RASL12: variants seen among roughly 807,000 people sequenced by gnomAD.
RASL12 encodes RAS like family 12, also known as ras-like protein family member 12.
RASL12 carries 16 observed loss-of-function variants against 22.9 expected under a neutral mutation model. That is an observed-to-expected ratio of 0.70 (90% CI 0.47 to 1.06). RASL12 has a LOEUF of 1.06. Among genes scored for constraint, RASL12 ranks in the 50% least tolerant of loss-of-function variants. RASL12 has a pLI of 0.00. For missense variants in RASL12, 306 were observed against 353.1 expected (o/e 0.87, Z 1.07); for synonymous variants, 159 against 152.2 (o/e 1.04, Z -0.33).
downstream of RASL12, chr15:65,050,180 C>A: frequency 9.0e-7 from 1 of 1,107,496 alleles, no homozygotes; most frequent in Non-Finnish European, 1.3e-6. Flanking sequence ...GGTCCTGACA[C>A]TGTCGTCCCC....
At chr15:65,075,208 C>G (rs1446645629) in intron 1 of RASL12, among the ~76,000 whole-genome samples, 2 of 152,328 alleles carry the variant, frequency 1.3e-5, no homozygotes, top group East Asian at 1.9e-4. Context: ...CCCAGCAATG[C>G]CAGCCCACCG....
chr15:65,075,037 C>T (rs913162773), intron 1 of RASL12, among the ~76,000 whole-genome samples: 5 of 152,214 alleles, frequency 3.3e-5, no homozygotes, highest in Admixed American at 3.3e-4. Flanking sequence ...GAGGCGCGAG[C>T]GGGAACCGGG....
At chr15:65,070,042 C>T (rs2086920708), upstream of RASL12, among the ~76,000 whole-genome samples, 1 of 152,206 alleles carries the variant, frequency 6.6e-6, no homozygotes, top group South Asian at 2.1e-4. Flanking sequence ...TTCTGGGTCT[C>T]TGTTCCTCAT....
intron 4 of RASL12, among the ~76,000 whole-genome samples, chr15:65,056,539 G>A (rs187253218): frequency 2.4e-3 from 362 of 152,300 alleles, no homozygotes; most frequent in African/African-American, 8.4e-3. Flanking sequence ...CTTTGTCATT[G>A]TGGGGGCTTG....
In RASL12 at chr15:65,054,605, T is replaced by C; in HGVS notation, c.*294A>G. The C allele has an allele frequency of 1.6e-6, 2 of 1,253,926 alleles. No homozygotes were observed. The highest frequency in any genetic ancestry group is 1.0e-6 in the Non-Finnish European group (1 of 992,726). The allele number at this position is 1,253,926 out of a possible 1,614,324, so 77.7% of individuals were successfully genotyped here. A position where few individuals can be genotyped will look rare whatever the true frequency, so the allele number is the denominator to read the frequency against. On this transcript the variant is annotated 3_prime_UTR_variant, in exon 5 of 5. Coordinates refer to ENST00000220062, the MANE Select transcript of RASL12 (RefSeq NM_016563.4). ...GGGCTGATGGCAGCAGGATAGACAC[T>C]GCAATTTCTTCCTACTTAAGGCTGA...
At chr15:65,057,073 C>T (rs999184129) in intron 4 of RASL12, among the ~76,000 whole-genome samples, 9 of 152,224 alleles carry the variant, frequency 5.9e-5, no homozygotes, top group African/African-American at 2.2e-4. Flanking sequence ...CATGACTTCC[C>T]TCATTCTCTG....
chr15:65,063,522 G>A (rs775762300), intron 2 of RASL12, among the ~76,000 whole-genome samples: 3 of 152,330 alleles, frequency 2.0e-5, no homozygotes, highest in Non-Finnish European at 2.9e-5. Flanking sequence ...TTGGCCCAGA[G>A]TCTTCAGCTC....
intron 2 of RASL12, among the ~76,000 whole-genome samples, chr15:65,062,655 G>A (rs959089374): frequency 5.3e-5 from 8 of 152,180 alleles, no homozygotes; most frequent in African/African-American, 1.9e-4. Context: ...GCTACCTGCT[G>A]GAAATGGGAA....
intron 1 of RASL12, among the ~76,000 whole-genome samples, chr15:65,066,139 AAAAAG>A (rs1429475482): frequency 2.0e-5 from 3 of 151,780 alleles, no homozygotes; most frequent in Non-Finnish European, 1.5e-5. Flanking sequence ...AAGAAAGAAA[AAAAAG>A]AAAGAAGAAG....
In RASL12 at chr15:65,053,717, A is replaced by G; in HGVS notation, c.*1182T>C. 3 of 988,044 alleles carry G rather than the reference A, an allele frequency of 3.0e-6. No individual in the cohort carries two copies. In the South Asian group the frequency reaches 1.4e-4, roughly 46 times the overall value. The allele number at this position is 988,044 out of a possible 1,614,324, so 61.2% of individuals were successfully genotyped here. On this transcript the variant is annotated 3_prime_UTR_variant, in exon 5 of 5. Transcript: ENST00000220062. ...CCTCTCTTTTCCCTGCTTGTCTGCT[A>G]AGAGTCTGTGCAAGACTTCCCTGGG...
In RASL12 at chr15:65,067,771, T is replaced by A; in HGVS notation, c.65A>T (p.Asn22Ile). The change falls in exon 1 of 5, where the codon AAC becomes ATC. Residue 22 changes from asparagine (N) to isoleucine (I), a missense_variant. Coordinates refer to ENST00000220062, the MANE Select transcript of RASL12 (RefSeq NM_016563.4). ...CCCGCGGCGCCCCAGGATGGCCAGGTTGACCTCGAGGGGCGCGCTCTGAGG... is the reference window on the plus strand; with the variant it reads ...CCCGCGGCGCCCCAGGATGGCCAGGATGACCTCGAGGGGCGCGCTCTGAGG... The part of the protein sequence containing the change: ...SGPQSAPLEV[N>I]LAILGRRGAG... The A allele has an allele frequency of 1.3e-6, 2 of 1,581,316 alleles. No individual in the cohort carries two copies. Among genetic ancestry groups the A allele is most frequent in the Non-Finnish European group, 1.7e-6 (2 of 1,166,492 alleles).
intron 2 of RASL12, among the ~76,000 whole-genome samples, chr15:65,062,025 G>A (rs1361407985): frequency 6.7e-6 from 1 of 149,436 alleles, no homozygotes; most frequent in Non-Finnish European, 1.5e-5. Flanking sequence ...AGCTTGCAGT[G>A]AGCCGAGATT....
chr15:65,075,659 G>A, intron 1 of RASL12, among the ~76,000 whole-genome samples: 1 of 152,040 alleles, frequency 6.6e-6, no homozygotes, highest in African/African-American at 2.4e-5. Context: ...TGCTCTGGTG[G>A]GGCCCTGGAG....
chr15:65,049,730 G>C (rs534271133), downstream of RASL12: 6 of 310,354 alleles, frequency 1.9e-5, no homozygotes, highest in Non-Finnish European at 3.6e-5. Flanking sequence ...ATAAATATTT[G>C]AGTCACTCCC....
chr15:65,046,243 G>A, the RASL12 span, among the ~76,000 whole-genome samples: 4 of 152,258 alleles, frequency 2.6e-5, no homozygotes, highest in Admixed American at 6.5e-5. Context: ...GGAGGTTGCA[G>A]TGAGCTGAGA....
At chr15:65,073,564 T>C (rs1302071728) in intron 1 of RASL12, among the ~76,000 whole-genome samples, 2 of 152,180 alleles carry the variant, frequency 1.3e-5, no homozygotes, top group Non-Finnish European at 2.9e-5. Flanking sequence ...TAGATGAAGC[T>C]TTGCTTGCTC....
At position 65,065,312 on chromosome 15, in the gene RASL12, C is replaced by T. The variant is rs780213585; in HGVS notation, c.104-39G>A. The stretch of plus-strand genomic sequence containing the variant: ...AAAGAGGTTGGCTCCATCTCCGCGG[C>T]CATGTCTAGCTGCTGGCCCCTCGTT... On this transcript the variant is annotated intron_variant, in intron 1 of 4. Coordinates refer to ENST00000220062, the MANE Select transcript of RASL12 (RefSeq NM_016563.4). 3 of 1,590,100 alleles carry T rather than the reference C, an allele frequency of 1.9e-6. No homozygotes were observed. In the South Asian group the frequency reaches 3.4e-5, roughly 18 times the overall value.
At chr15:65,064,800 G>T (rs745356676) in intron 2 of RASL12, among the ~76,000 whole-genome samples, 2 of 152,030 alleles carry the variant, frequency 1.3e-5, no homozygotes, top group Non-Finnish European at 1.5e-5. Context: ...CACCATGTTG[G>T]CCAGGCTGGT....
rs527427462 is a variant in RASL12, at chr15:65,055,119, C to T, written c.581G>A (p.Arg194Gln). ...RRELEKSPLTRPLFISEERAL... is the reference protein window; with the variant it reads ...RRELEKSPLTQPLFISEERAL... The stretch of plus-strand genomic sequence containing the variant: ...CCTCTCCTCGGAGATGAAGAGGGGC[C>T]GGGTCAGGGGGCTCTTCTCCAGCTC... Residue 194 changes from arginine (R) to glutamine (Q), a missense_variant, in exon 5 of 5, where the codon CGG (arginine) becomes CAG (glutamine). Arg to Gln is a conservative substitution (Grantham distance 43). Transcript: ENST00000220062. 29 of 1,609,384 alleles carry T rather than the reference C, an allele frequency of 1.8e-5. No individual in the cohort carries two copies. Among genetic ancestry groups the T allele is most frequent in the East Asian group, 2.2e-5 (1 of 44,762 alleles).
Sources: allele counts gnomAD v4.1 joint callset (sites outside exome capture counted in the v4.1 genomes callset), GRCh38; gene constraint gnomAD v4.1.1; transcripts MANE v1.5; gene names NCBI Gene and HGNC (gene_info 2026-07-23, HGNC 2026-07-21).